The following GNAL variants were observed in gnomAD, a reference collection of about 807,000 sequenced individuals.
The protein encoded by GNAL is guanine nucleotide-binding protein G(olf) subunit alpha.
In GNAL, 18 loss-of-function variants were observed where a neutral mutation model predicts 55.1. That is an observed-to-expected ratio of 0.33 (90% CI 0.23 to 0.48). The LOEUF (loss-of-function observed/expected upper bound fraction) is 0.48, where lower values mean the gene tolerates loss of function less well. Ranked by LOEUF, GNAL falls within the 20% of genes least tolerant of loss-of-function variation. The pLI, the probability that GNAL is intolerant of heterozygous loss-of-function variation, is 0.99. For missense variants in GNAL, 412 were observed against 614.1 expected (o/e 0.67, Z 3.48); for synonymous variants, 253 against 237.0 (o/e 1.07, Z -0.62).
Position 11,884,910 on chromosome 18 carries a change from C to T in GNAL, c.*3775C>T. 1 of 1,293,794 alleles carries T rather than the reference C, an allele frequency of 7.7e-7. No homozygotes were observed. The allele number at this position is 1,293,794 out of a possible 1,614,324, so 80.1% of individuals were successfully genotyped here. A position where few individuals can be genotyped will look rare whatever the true frequency, so the allele number is the denominator to read the frequency against. On this transcript the variant is annotated 3_prime_UTR_variant, in exon 12 of 12. Transcript: ENST00000334049. Reference sequence around the variant, plus strand: ...AAACTGGCCCCTGGCTCACTGGGTTCCCATCAAATATAGTGGGGGATCCAT... The same window carrying T: ...AAACTGGCCCCTGGCTCACTGGGTTTCCATCAAATATAGTGGGGGATCCAT...
In GNAL at chr18:11,743,778, AC is replaced by A. The variant is rs2032630041; in HGVS notation, c.377-9074del. 2.0e-5 allele frequency among the ~76,000 whole-genome samples: 3 copies of A among 152,310 alleles called. 1 individual carries two copies. The East Asian group carries it at 5.8e-4, about 29-fold the overall frequency. ...GAAACAGATGGGGTTGCTGATTTTC[AC>A]TGTTCAAATGCAAATTATTGGGCAC... On this transcript the variant is annotated intron_variant, in intron 1 of 11. Transcript: ENST00000334049.
chr18:11,697,564 A>G (rs1406273514), intron 1 of GNAL, among the ~76,000 whole-genome samples: 7 of 151,858 alleles, frequency 4.6e-5, no homozygotes, highest in Admixed American at 4.6e-4. Context: ...TCTCAGAAAA[A>G]AAAAAGAGAG....
At chr18:11,707,437 G>T (rs1435680306) in intron 1 of GNAL, among the ~76,000 whole-genome samples, 2 of 152,108 alleles carry the variant, frequency 1.3e-5, no homozygotes, top group Non-Finnish European at 2.9e-5. Context: ...TTTTTTCCGA[G>T]CAATACGTCC....
intron 1 of GNAL, among the ~76,000 whole-genome samples, chr18:11,707,696 T>C (rs147306349): frequency 6.6e-6 from 1 of 152,368 alleles, no homozygotes; most frequent in African/African-American, 2.4e-5. Flanking sequence ...TCTTTACTTA[T>C]GAAAGTCCTA....
At chr18:11,880,864 G>A (rs1447647633) in intron 11 of GNAL, 125 bp from the exon 12 acceptor site, 15 of 935,192 alleles carry the variant, frequency 1.6e-5, no homozygotes, top group African/African-American at 3.3e-5. Context: ...GCCTCTAAGT[G>A]CTCCCATGCA....
intron 4 of GNAL, among the ~76,000 whole-genome samples, chr18:11,784,117 G>A (rs147700352): frequency 2.0e-5 from 3 of 152,346 alleles, no homozygotes; most frequent in African/African-American, 7.2e-5. Flanking sequence ...CCTGAGTACC[G>A]GACACTGCCT....
rs772820493 is a variant in GNAL at position 11,689,833 on chromosome 18, G to A, written c.270G>A (p.Lys90=). 1.9e-5 allele frequency: 29 copies of A among 1,538,164 alleles called. No homozygotes were observed. The highest frequency in any genetic ancestry group is 1.6e-4 in the Admixed American group (8 of 51,348). The change falls in exon 1 of 12, where the codon AAG becomes AAA. Residue 90 remains lysine, a synonymous_variant. Transcript: ENST00000334049. Reference sequence around the variant, plus strand: ...GTGCCGAGGAGCGCGAGGCGGCCAAGGAGCGCGAGGCGGTCAAGGAGGCGA... The same window carrying A: ...GTGCCGAGGAGCGCGAGGCGGCCAAAGAGCGCGAGGCGGTCAAGGAGGCGA... ...QLSAEEREAA[K]EREAVKEARK...
intron 1 of GNAL, among the ~76,000 whole-genome samples, chr18:11,699,434 C>T (rs1287327729): frequency 6.6e-6 from 1 of 151,782 alleles, no homozygotes; most frequent in African/African-American, 2.4e-5. Context: ...AGGCTGGTCT[C>T]AAAGTCCTGA....
At chr18:11,875,828 G>A (rs1331299929) in intron 10 of GNAL, among the ~76,000 whole-genome samples, 1 of 152,192 alleles carries the variant, frequency 6.6e-6, no homozygotes, top group Non-Finnish European at 1.5e-5. Flanking sequence ...CAACAGAAAT[G>A]TATTAGTCAC....
At chr18:11,788,142 G>A (rs12608311) in intron 4 of GNAL, among the ~76,000 whole-genome samples, 38,040 of 152,062 alleles carry the variant, frequency 0.25, 5,611 homozygotes, top group African/African-American at 0.41. Context: ...TGGAATAAAC[G>A]TGTTATTCCC....
intron 5 of GNAL, among the ~76,000 whole-genome samples, chr18:11,829,284 C>G (rs539055006): frequency 6.6e-6 from 1 of 152,142 alleles, no homozygotes; most frequent in African/African-American, 2.4e-5. Flanking sequence ...TAACTTCTCC[C>G]GTTTAGCTCG....
In GNAL at chr18:11,881,669, C is replaced by T. The variant is rs1314038070; in HGVS notation, c.*534C>T. ...CCTTTTACAGTCACATTCAGAGTCG[C>T]TGCTGGCCTCAGGCATTTGAATTAG... is the stretch of plus-strand genomic sequence containing the variant. On this transcript the variant is annotated 3_prime_UTR_variant, in exon 12 of 12. Transcript: ENST00000334049. This position sits in a 1 kb window ranked among gnomAD's most constrained non-coding sequence, Gnocchi z 4.8. 6.5e-6 allele frequency: 1 copy of T among 152,760 alleles called. No individual in the cohort carries two copies. The highest frequency in any genetic ancestry group is 3.2e-3 in the Middle Eastern group (1 of 316). 9.5% of individuals were successfully genotyped at this position (152,760 alleles called of 1,614,324 possible).
intron 4 of GNAL, among the ~76,000 whole-genome samples, chr18:11,787,625 A>G (rs985569348): frequency 1.4e-4 from 22 of 152,228 alleles, no homozygotes; most frequent in African/African-American, 5.1e-4. Flanking sequence ...GTGTAATCCT[A>G]GCACTTTGGG....
chr18:11,799,867 G>C (rs1425708617), intron 4 of GNAL, among the ~76,000 whole-genome samples: 1 of 152,004 alleles, frequency 6.6e-6, no homozygotes, highest in African/African-American at 2.4e-5. Context: ...GCACCTGTCT[G>C]TCTGGTGCTC....
At chr18:11,694,115 G>A (rs545768582) in intron 1 of GNAL, among the ~76,000 whole-genome samples, 1 of 152,206 alleles carries the variant, frequency 6.6e-6, no homozygotes, top group African/African-American at 2.4e-5. Flanking sequence ...GGCCCACAGT[G>A]CTGGGATTAC....
chr18:11,760,917 G>C (rs9956983), intron 4 of GNAL, among the ~76,000 whole-genome samples: 2 of 152,204 alleles, frequency 1.3e-5, no homozygotes, highest in African/African-American at 4.8e-5. Flanking sequence ...TAGAGATGAT[G>C]GCAACACCTA....
chr18:11,695,913 T>C (rs35105395), intron 1 of GNAL, among the ~76,000 whole-genome samples: 52,864 of 150,728 alleles, frequency 0.35, 12,645 homozygotes, highest in African/African-American at 0.69. Context: ...CAGACATGCA[T>C]GCACGCATGC....
chr18:11,860,505 A>T (rs1227366252), intron 5 of GNAL, among the ~76,000 whole-genome samples: 1 of 152,244 alleles, frequency 6.6e-6, no homozygotes, highest in African/African-American at 2.4e-5. Flanking sequence ...GAACTAACAA[A>T]GACGGATTAA....
chr18:11,689,659 C>CGCCCCA lies in GNAL; in HGVS notation c.101_102insAGCCCC (p.Pro36_Ala37dup), dbSNP rs1555639257. 2.9e-6 allele frequency: 4 copies of CGCCCCA among 1,368,854 alleles called. No homozygotes were observed. The South Asian group carries it at 6.2e-5, about 21-fold the overall frequency. 84.8% of individuals were successfully genotyped at this position (1,368,854 alleles called of 1,614,324 possible). ...AGCCGCCGGTGGAGGACGCGCAGCC[C>CGCCCCA]GCCCCGGCCCCGGCCCTGGCCCCAG... is the stretch of plus-strand genomic sequence containing the variant. On this transcript the variant is annotated inframe_insertion, in exon 1 of 12. Coordinates refer to ENST00000334049, the MANE Select transcript of GNAL (RefSeq NM_182978.4).
Sources: allele counts gnomAD v4.1 joint callset (sites outside exome capture counted in the v4.1 genomes callset), GRCh38; gene constraint gnomAD v4.1.1; non-coding constraint Gnocchi (gnomAD v3.1); transcripts MANE v1.5; gene names NCBI Gene and HGNC (gene_info 2026-07-23, HGNC 2026-07-21).